Variants in CDKN2B-AS1 observed in about 807,000 individuals in gnomAD.
CDKN2B-AS1 encodes CDKN2B and CDKN2A antisense cis and trans regulatory RNA 1.
At chr9:22,090,577 A>G (rs1265003352) in intron 4 of CDKN2B-AS1, among the ~76,000 whole-genome samples, 5 of 152,224 alleles carry the variant, frequency 3.3e-5, no homozygotes, top group African/African-American at 1.2e-4. Flanking sequence ...TCTGATGCCC[A>G]GTGATGATGA....
At chr9:22,041,927 C>T (rs916906234) in intron 1 of CDKN2B-AS1, among the ~76,000 whole-genome samples, 5 of 151,992 alleles carry the variant, frequency 3.3e-5, no homozygotes, top group African/African-American at 1.2e-4. Flanking sequence ...GTGTAATTGG[C>T]CAAATTCCAT....
intron 1 of CDKN2B-AS1, among the ~76,000 whole-genome samples, chr9:22,037,422 C>T (rs183132186): frequency 2.6e-5 from 4 of 151,694 alleles, no homozygotes; most frequent in Admixed American, 2.0e-4. Context: ...AAGACTCTAC[C>T]TGGTTTGCGT....
chr9:22,053,239 T>A (rs1482307856), intron 3 of CDKN2B-AS1, among the ~76,000 whole-genome samples: 1 of 152,226 alleles, frequency 6.6e-6, no homozygotes, highest in African/African-American at 2.4e-5. Flanking sequence ...ATATTCTTTA[T>A]CACTAGGTTA....
intron 1 of CDKN2B-AS1, among the ~76,000 whole-genome samples, chr9:22,011,231 GA>G (rs1390877133): frequency 6.6e-6 from 1 of 152,170 alleles, no homozygotes. Flanking sequence ...GGACATTATG[GA>G]AGCTCAATGA....
chr9:22,023,058 G>A (rs1362956741), intron 1 of CDKN2B-AS1, among the ~76,000 whole-genome samples: 1 of 152,042 alleles, frequency 6.6e-6, no homozygotes, highest in South Asian at 2.1e-4. Flanking sequence ...TTTAACATTT[G>A]TTCTTTCATT....
At chr9:22,020,309 G>T (rs1200827706) in intron 1 of CDKN2B-AS1, among the ~76,000 whole-genome samples, 1 of 151,954 alleles carries the variant, frequency 6.6e-6, no homozygotes, top group Non-Finnish European at 1.5e-5. Flanking sequence ...ATTTTTTTTG[G>T]CTATTGTGAA....
intron 1 of CDKN2B-AS1, among the ~76,000 whole-genome samples, chr9:22,026,768 G>T (rs1001430051): frequency 6.6e-6 from 1 of 152,206 alleles, no homozygotes; most frequent in Admixed American, 6.5e-5. Context: ...AGTAGCTAAA[G>T]CTCTTGGGTC....
intron 4 of CDKN2B-AS1, among the ~76,000 whole-genome samples, chr9:22,074,928 A>G (rs1363367713): frequency 6.6e-6 from 1 of 152,222 alleles, no homozygotes; most frequent in Admixed American, 6.5e-5. Context: ...TCTCCAAGTA[A>G]TGAATGAGTA....
intron 1 of CDKN2B-AS1, among the ~76,000 whole-genome samples, chr9:22,007,354 A>G (rs1821240763): frequency 1.3e-5 from 1 of 75,228 alleles, no homozygotes; most frequent in African/African-American, 1.4e-4. Context: ...GTGAGGCCTC[A>G]TCTCAAAAAA....
intron 1 of CDKN2B-AS1, among the ~76,000 whole-genome samples, chr9:22,036,216 T>C (rs961790969): frequency 2.0e-5 from 3 of 152,110 alleles, no homozygotes; most frequent in African/African-American, 7.2e-5. Context: ...ATATTGTGCA[T>C]GGGCTAATTA....
At position 22,005,211 on chromosome 9, in the gene CDKN2B-AS1, T is replaced by C. The variant is rs183610933; in HGVS notation, n.29+10050T>C. 9.8e-4 allele frequency: 229 copies of C among 233,702 alleles called. 2 individuals are homozygous for C. Among genetic ancestry groups the C allele is most frequent in the African/African-American group, 4.6e-3 (211 of 45,398 alleles). The allele number at this position is 233,702 out of a possible 1,614,324, so 14.5% of individuals were successfully genotyped here. On this transcript the variant is annotated intron_variant and non_coding_transcript_variant, in intron 1 of 4. Coordinates refer to ENST00000650946, the Ensembl canonical transcript of CDKN2B-AS1. This position sits in a 1 kb window ranked among gnomAD's most constrained non-coding sequence, Gnocchi z 4.9. ...CTCCACCACCTCATCCTGTGTAGTC[T>C]GCCTGCGGAACCCGCGGGAATCTCT...
intron 2 of CDKN2B-AS1, among the ~76,000 whole-genome samples, chr9:22,047,793 CTT>C (rs1175700673): frequency 1.4e-5 from 2 of 142,014 alleles, no homozygotes. Context: ...TTTTTTCTTT[CTT>C]TTTTTTTTTT....
chr9:22,070,224 G>A (rs1312298780), intron 4 of CDKN2B-AS1, among the ~76,000 whole-genome samples: 1 of 152,148 alleles, frequency 6.6e-6, no homozygotes, highest in Non-Finnish European at 1.5e-5. Flanking sequence ...TAATGTTCCA[G>A]TTTGGAGGAA....
chr9:22,012,158 C>A, intron 1 of CDKN2B-AS1: 1 of 1,301,834 alleles, frequency 7.7e-7, no homozygotes, highest in Non-Finnish European at 1.1e-6. Flanking sequence ...CACAGAGATG[C>A]AGATCTTTGT....
intron 1 of CDKN2B-AS1, among the ~76,000 whole-genome samples, chr9:22,045,070 G>GTGTGTGTC: frequency 6.6e-6 from 1 of 150,618 alleles, no homozygotes. Context: ...GTGTGTGTGT[G>GTGTGTGTC]TATTTATTTT....
chr9:22,062,986 C>CACACACACACATATATAT (rs374229516), intron 4 of CDKN2B-AS1, among the ~76,000 whole-genome samples: 1 of 136,822 alleles, frequency 7.3e-6, no homozygotes, highest in Non-Finnish European at 1.6e-5. Context: ...GACACACACA[C>CACACACACACATATATAT]ATATATATAT....
chr9:22,055,260 A>G (rs539601702), intron 3 of CDKN2B-AS1, among the ~76,000 whole-genome samples: 1 of 152,306 alleles, frequency 6.6e-6, no homozygotes, highest in African/African-American at 2.4e-5. Flanking sequence ...TATGCATGCC[A>G]TATTTTTGTG....
intron 4 of CDKN2B-AS1, among the ~76,000 whole-genome samples, chr9:22,108,110 T>C (rs965445107): frequency 6.6e-6 from 1 of 152,210 alleles, no homozygotes; most frequent in African/African-American, 2.4e-5. Context: ...TGTTATATAT[T>C]AGTTTGGGCC....
chr9:22,104,138 A>G (rs767235972), intron 4 of CDKN2B-AS1, among the ~76,000 whole-genome samples: 5 of 152,234 alleles, frequency 3.3e-5, no homozygotes, highest in Non-Finnish European at 7.3e-5. Context: ...GCTTAGTGCA[A>G]TGCAAACTTG....
Sources: allele counts gnomAD v4.1 joint callset (sites outside exome capture counted in the v4.1 genomes callset), GRCh38; gene constraint gnomAD v4.1.1; non-coding constraint Gnocchi (gnomAD v3.1); transcripts MANE v1.5; gene names NCBI Gene and HGNC (gene_info 2026-07-23, HGNC 2026-07-21).